TRIM37: variants seen among roughly 807,000 people sequenced by gnomAD.
TRIM37 encodes E3 ubiquitin-protein ligase TRIM37.
A neutral mutation model predicts 129.8 loss-of-function variants in TRIM37; 80 were observed. That is an observed-to-expected ratio of 0.62 (90% CI 0.51 to 0.74). TRIM37 has a LOEUF of 0.74. Among genes scored for constraint, TRIM37 ranks in the 30% least tolerant of loss-of-function variants. The probability of loss-of-function intolerance (pLI) is 0.00; values close to 1 mark genes in which losing one functional copy is unlikely to be tolerated. For synonymous variants in TRIM37, 389 were observed against 387.1 expected, an observed-to-expected ratio of 1.00 and a Z score of -0.06; for missense variants, 1,054 against 1,176.5, an observed-to-expected ratio of 0.90 and a Z score of 1.52.
chr17:58,992,631 C>T (rs1025291696), intron 24 of TRIM37, among the ~76,000 whole-genome samples: 2 of 152,104 alleles, frequency 1.3e-5, no homozygotes, highest in East Asian at 1.9e-4. Flanking sequence ...CTGCCTTCCT[C>T]GGCCTCCCAA....
At chr17:59,005,782 A>C (rs909719199) in intron 22 of TRIM37, among the ~76,000 whole-genome samples, 1 of 152,206 alleles carries the variant, frequency 6.6e-6, no homozygotes, top group Non-Finnish European at 1.5e-5. Context: ...TTTGCTTCAA[A>C]ATCTTTCTTG....
chr17:59,057,990 A>AT (rs1256753043), intron 12 of TRIM37, among the ~76,000 whole-genome samples: 1 of 152,096 alleles, frequency 6.6e-6, no homozygotes, highest in Non-Finnish European at 1.5e-5. Flanking sequence ...CTAATGCAAT[A>AT]TTTTTTCCAT....
In TRIM37 at chr17:59,057,053, A is replaced by G. The variant is rs1230168073; in HGVS notation, c.1021T>C (p.Tyr341His). 3 of 1,613,434 alleles carry G rather than the reference A, an allele frequency of 1.9e-6. No homozygotes were observed. In the African/African-American group the frequency reaches 4.0e-5, roughly 22 times the overall value. Residue 341 changes from tyrosine to histidine, a missense_variant and splice_region_variant, in exon 13 of 24, where the codon TAT (tyrosine) becomes CAT (histidine). Tyr to His is a moderately conservative substitution (Grantham distance 83). This residue lies in a region of TRIM37 where 752 missense variants were observed against 870.8 expected (regional missense o/e 0.86). Coordinates refer to ENST00000262294, the MANE Select transcript of TRIM37 (RefSeq NM_015294.6). ...LSAGLPETSKYEYRVEMVHQS... is the reference protein window; with the variant it reads ...LSAGLPETSKHEYRVEMVHQS... ...TGAACCATCTCTACACGATATTCAT[A>G]TCTAAAATTGAAAAACAGACCATTA...
At chr17:59,048,302 C>T (rs1568087247) in intron 15 of TRIM37, among the ~76,000 whole-genome samples, 1 of 152,168 alleles carries the variant, frequency 6.6e-6, no homozygotes, top group African/African-American at 2.4e-5. Context: ...CATTCCAAAC[C>T]CTATTATCTC....
At chr17:59,081,319 T>C in intron 5 of TRIM37, 100 bp from the exon 6 acceptor site, 2 of 1,496,382 alleles carry the variant, frequency 1.3e-6, no homozygotes, top group Non-Finnish European at 1.8e-6. Context: ...GGTAAATCTC[T>C]CAAATGAACT....
At position 59,031,967 on chromosome 17, in the gene TRIM37, T is replaced by C. The variant is rs761431480; in HGVS notation, c.1877A>G (p.Lys626Arg). ...CAAATTTTCTATACTGCTCCGGTCC[T>C]TAAGGTCCAACAAATGTATTAAAAT... is the stretch of plus-strand genomic sequence containing the variant. Reference protein sequence around the residue: ...PLILIHLLDLKDRSSIENLWG... With the variant: ...PLILIHLLDLRDRSSIENLWG... Residue 626 changes from lysine (K) to arginine (R), a missense_variant, in exon 18 of 24, where the codon AAG (lysine) becomes AGG (arginine). This residue lies in a region of TRIM37 where 752 missense variants were observed against 870.8 expected (regional missense o/e 0.86). Transcript: ENST00000262294. 6.2e-7 allele frequency: 1 copy of C among 1,614,196 alleles called. No individual in the cohort carries two copies. The highest frequency in any genetic ancestry group is 2.2e-5 in the East Asian group (1 of 44,888).
In TRIM37 at chr17:58,998,810, G is replaced by C; in HGVS notation, c.*567C>G. On this transcript the variant is annotated 3_prime_UTR_variant, in exon 24 of 24. Transcript: ENST00000262294. ...GAACAGTGTGCCTGTACTTGAACAA[G>C]TGAGAGAAGATACATACTCCAAAAA... The C allele has an allele frequency of 1.0e-6, 1 of 989,208 alleles. No individual in the cohort carries two copies. The highest frequency in any genetic ancestry group is 1.2e-6 in the Non-Finnish European group (1 of 832,172). 61.3% of individuals were successfully genotyped at this position (989,208 alleles called of 1,614,324 possible).
intron 24 of TRIM37, chr17:58,985,047 C>A (rs2031669262): frequency 6.6e-6 from 1 of 152,632 alleles, no homozygotes; most frequent in South Asian, 2.1e-4. Flanking sequence ...TACAAATCTG[C>A]TCTACATCTC....
chr17:58,990,194 A>G (rs2144085800), intron 24 of TRIM37, among the ~76,000 whole-genome samples: 1 of 149,570 alleles, frequency 6.7e-6, no homozygotes, highest in East Asian at 2.0e-4. Context: ...AAAAAAAAAA[A>G]AAAAAAAAAA....
At chr17:59,027,762 T>C (rs1026766857) in intron 19 of TRIM37, among the ~76,000 whole-genome samples, 3 of 152,214 alleles carry the variant, frequency 2.0e-5, no homozygotes, top group African/African-American at 7.2e-5. Flanking sequence ...GAACTCCTTT[T>C]TGAGGTTTTG....
chr17:59,087,355 A>G (rs2043850143), intron 4 of TRIM37, among the ~76,000 whole-genome samples: 1 of 152,156 alleles, frequency 6.6e-6, no homozygotes, highest in Non-Finnish European at 1.5e-5. Context: ...TCGGCTTCCC[A>G]AAGTGCTGAG....
chr17:59,092,733 T>C (rs1021874755), intron 2 of TRIM37, among the ~76,000 whole-genome samples: 1 of 152,184 alleles, frequency 6.6e-6, no homozygotes, highest in Non-Finnish European at 1.5e-5. Flanking sequence ...CTTTCTACTT[T>C]TTAAAATGAA....
At chr17:59,101,407 T>C (rs967836278) in intron 2 of TRIM37, among the ~76,000 whole-genome samples, 1 of 151,972 alleles carries the variant, frequency 6.6e-6, no homozygotes, top group South Asian at 2.1e-4. Flanking sequence ...AGTAATTAAA[T>C]AATCTAAGCA....
chr17:58,981,599 A>T (rs562084005), downstream of TRIM37: 7 of 152,774 alleles, frequency 4.6e-5, no homozygotes, highest in South Asian at 1.2e-3. Context: ...TCAGTGTAAA[A>T]GTGTCATATT....
At position 59,104,338 on chromosome 17, in the gene TRIM37, GC is replaced by G. The variant is rs771115298; in HGVS notation, c.77del (p.Arg26ProfsTer19). The G allele has an allele frequency of 6.2e-7, 1 of 1,614,174 alleles. No individual in the cohort carries two copies. On this transcript the variant is annotated frameshift_variant, in exon 2 of 24. Coordinates refer to ENST00000262294, the MANE Select transcript of TRIM37 (RefSeq NM_015294.6). LOFTEE classifies it high-confidence loss of function. ...ACAGTTTGGAGCAATGAGGACACAG[GC>G]GTGCATCCCGCAATTTCTCCATACA... ...FICMEKLRDA[R>X]LCPHCSKLCC...
rs771048230 is a variant in TRIM37, at chr17:59,091,284, G to A, written c.164+16C>T. On this transcript the variant is annotated intron_variant, in intron 3 of 23. Transcript: ENST00000262294. ...CTATTTTCAAAATTCACAAATAATC[G>A]TAAGGAAACACTTACCGGCAATGAG... 14 of 1,580,780 alleles carry A rather than the reference G, an allele frequency of 8.9e-6. No homozygotes were observed. The highest frequency in any genetic ancestry group is 4.7e-5 in the East Asian group (2 of 42,958).
At chr17:59,017,119 G>A (rs961926892) in intron 20 of TRIM37, among the ~76,000 whole-genome samples, 177 bp downstream of exon 20, 3 of 152,076 alleles carry the variant, frequency 2.0e-5, no homozygotes, top group Admixed American at 6.6e-5. Flanking sequence ...AGCCAAGATC[G>A]CACCACTGCA....
At chr17:59,044,549 C>T (rs541581065) in intron 16 of TRIM37, among the ~76,000 whole-genome samples, 10 of 151,864 alleles carry the variant, frequency 6.6e-5, no homozygotes, top group Middle Eastern at 3.4e-3. Flanking sequence ...GCGACAAGAG[C>T]GAAACTCCGT....
intron 19 of TRIM37, among the ~76,000 whole-genome samples, chr17:59,025,151 T>C (rs954529517): frequency 6.6e-6 from 1 of 152,156 alleles, no homozygotes; most frequent in Non-Finnish European, 1.5e-5. Flanking sequence ...ATGGATTTCA[T>C]ATTGCATCAT....
Sources: gnomAD v4.1 joint callset for allele counts (sites outside exome capture counted in the v4.1 genomes callset) on GRCh38, gnomAD v4.1.1 for gene constraint, gnomAD v4.1.1 regional missense constraint, MANE v1.5 for transcripts, NCBI Gene and HGNC (gene_info 2026-07-23, HGNC 2026-07-21) for gene names.